Variants in KANSL3 observed in about 807,000 individuals in gnomAD.
KANSL3 encodes NSL complex protein NSL3.
Under a neutral mutation model 89.2 loss-of-function variants are expected in KANSL3, and 16 were observed. The ratio of observed to expected loss-of-function variants is 0.18; its 90% CI spans 0.12 to 0.27. The LOEUF is 0.27. KANSL3 is among the 10% of genes least tolerant of loss of function. KANSL3 has a pLI of 1.00. For synonymous variants in KANSL3, 385 were observed against 419.7 expected (o/e 0.92, Z 1.01); for missense variants, 879 against 1,110.6 (o/e 0.79, Z 2.96).
intron 3 of KANSL3, among the ~76,000 whole-genome samples, chr2:96,630,049 T>G (rs959376514): frequency 6.6e-6 from 1 of 152,190 alleles, no homozygotes; most frequent in Non-Finnish European, 1.5e-5. Flanking sequence ...ATGGAGAAAC[T>G]AGAACTCTCA....
intron 3 of KANSL3, among the ~76,000 whole-genome samples, chr2:96,620,475 T>C (rs556870807): frequency 6.6e-6 from 1 of 152,198 alleles, no homozygotes; most frequent in South Asian, 2.1e-4. Context: ...GCTTACCTAT[T>C]ACTTACTGAG....
intron 2 of KANSL3, 192 bp downstream of exon 2, chr2:96,636,729 C>A: frequency 2.2e-6 from 1 of 461,978 alleles, no homozygotes; most frequent in Admixed American, 3.9e-5. Context: ...GCTTTCCTAA[C>A]TCTTGTTAGC....
In KANSL3 at chr2:96,637,191, G is replaced by T; in HGVS notation, c.-50-6C>A. ...GGTATCTGCATGCTAGTCACCTGCA[G>T]TGAAAAGTTTCAGTTTAGGTCAATT... On this transcript the variant is annotated splice_region_variant and splice_polypyrimidine_tract_variant and intron_variant, in intron 1 of 20. Coordinates refer to ENST00000431828, the MANE Select transcript of KANSL3 (RefSeq NM_001115016.3). The T allele has an allele frequency of 8.4e-7, 1 of 1,187,186 alleles. No homozygotes were observed. Among genetic ancestry groups the T allele is most frequent in the Non-Finnish European group, 1.2e-6 (1 of 831,116 alleles). 73.5% of individuals were successfully genotyped at this position (1,187,186 alleles called of 1,614,324 possible). A position where few individuals can be genotyped will look rare whatever the true frequency, so the allele number is the denominator to read the frequency against.
intron 11 of KANSL3, 24 bp downstream of exon 11, chr2:96,610,702 G>A (rs1308039004): frequency 1.2e-6 from 2 of 1,612,124 alleles, no homozygotes. Flanking sequence ...CAGCTCTCTT[G>A]CAGCTCTGGG....
Position 96,611,900 on chromosome 2 carries a change from C to CATAT in KANSL3, c.1086+378_1086+381dup, listed in dbSNP as rs1187630286. Among the ~76,000 whole-genome samples, 9 of 79,566 alleles carry CATAT rather than the reference C, an allele frequency of 1.1e-4. 1 individual carries two copies. Among genetic ancestry groups the CATAT allele is most frequent in the Admixed American group, 7.4e-4 (7 of 9,496 alleles). 52.2% of individuals were successfully genotyped at this position (79,566 alleles called of 152,430 possible). ...TTTTTTTTTTCCACAGATATATACCCATATGTGTGTGTGTGTGTGTGTGTG... is the reference window on the plus strand; with the variant it reads ...TTTTTTTTTTCCACAGATATATACCCATATATATGTGTGTGTGTGTGTGTGTGTG... On this transcript the variant is annotated intron_variant, in intron 9 of 20. Coordinates refer to ENST00000431828, the MANE Select transcript of KANSL3 (RefSeq NM_001115016.3).
chr2:96,611,418 AC>A (rs1236640822), intron 9 of KANSL3, among the ~76,000 whole-genome samples: 1 of 152,094 alleles, frequency 6.6e-6, no homozygotes, highest in Non-Finnish European at 1.5e-5. Flanking sequence ...TACCCTGTCA[AC>A]CCCCTCAACT....
chr2:96,633,144 AG>A (rs2073704501), intron 2 of KANSL3, among the ~76,000 whole-genome samples: 1 of 151,732 alleles, frequency 6.6e-6, no homozygotes, highest in Admixed American at 6.6e-5. Flanking sequence ...TTGTGGTCCC[AG>A]CTACATGGGA....
At chr2:96,637,272 C>T in intron 1 of KANSL3, 87 bp from the exon 2 acceptor site, 1 of 618,996 alleles carries the variant, frequency 1.6e-6, no homozygotes, top group African/African-American at 1.8e-5. Flanking sequence ...CTTTTGTAAC[C>T]TACTATCATT....
intron 20 of KANSL3, among the ~76,000 whole-genome samples, chr2:96,596,188 C>A (rs531342899): frequency 6.6e-6 from 1 of 152,204 alleles, no homozygotes; most frequent in South Asian, 2.1e-4. Flanking sequence ...GAGAGGGTGG[C>A]CTTTTTTACC....
chr2:96,588,827 C>G (rs1267123854), downstream of KANSL3, among the ~76,000 whole-genome samples: 1 of 152,186 alleles, frequency 6.6e-6, no homozygotes, highest in African/African-American at 2.4e-5. Context: ...CTCCTGACCT[C>G]AAGTGATCTG....
intron 1 of KANSL3, 86 bp from the exon 2 acceptor site, chr2:96,637,271 C>A: frequency 1.6e-6 from 1 of 620,864 alleles, no homozygotes; most frequent in Admixed American, 3.0e-5. Context: ...ACTTTTGTAA[C>A]CTACTATCAT....
chr2:96,612,974 A>C (rs1474707739), intron 6 of KANSL3, 40 bp from the exon 7 acceptor site: 1 of 1,350,446 alleles, frequency 7.4e-7, no homozygotes, highest in Non-Finnish European at 1.0e-6. Context: ...AGTGAGTGAG[A>C]AGTGTCCTTT....
At chr2:96,613,356 G>A (rs758298712) in intron 6 of KANSL3, 132 bp downstream of exon 6, 4 of 743,168 alleles carry the variant, frequency 5.4e-6, no homozygotes, top group Non-Finnish European at 8.2e-6. Flanking sequence ...GGGTAACAGA[G>A]CAAGATTCTG....
At chr2:96,634,282 G>A (rs138748203) in intron 2 of KANSL3, 12 of 152,396 alleles carry the variant, frequency 7.9e-5, no homozygotes, top group African/African-American at 2.9e-4. Context: ...AGCACTTTGG[G>A]AGGCCGAGGC....
chr2:96,595,089 T>C lies in KANSL3; in HGVS notation c.*522A>G, dbSNP rs185033927. 1 of 152,784 alleles carries C rather than the reference T, an allele frequency of 6.5e-6. No homozygotes were observed. The highest frequency in any genetic ancestry group is 2.4e-5 in the African/African-American group (1 of 41,536). The allele number at this position is 152,784 out of a possible 1,614,324, so 9.5% of individuals were successfully genotyped here. On this transcript the variant is annotated 3_prime_UTR_variant, in exon 21 of 21. Coordinates refer to ENST00000431828, the MANE Select transcript of KANSL3 (RefSeq NM_001115016.3). ...GGAGCACTCTCCCGTGGCTGCTGAG[T>C]GAAGGCAACAGTGATGTCCAAAACA... is the stretch of plus-strand genomic sequence containing the variant.
chr2:96,604,144 G>C, intron 17 of KANSL3, 106 bp downstream of exon 17: 1 of 1,303,970 alleles, frequency 7.7e-7, no homozygotes, highest in Non-Finnish European at 1.0e-6. Context: ...AAGACCCAGA[G>C]GCCCATCCTA....
chr2:96,600,353 T>A, intron 20 of KANSL3: 1 of 749,624 alleles, frequency 1.3e-6, no homozygotes, highest in Non-Finnish European at 1.6e-6. Flanking sequence ...ATTATTTCTA[T>A]AATGTTTGAA....
At chr2:96,604,417 C>A in intron 16 of KANSL3, 37 bp from the exon 17 acceptor site, 1 of 1,598,442 alleles carries the variant, frequency 6.3e-7, no homozygotes. Context: ...ATCCAAAGGT[C>A]ACAGGACAGC....
At position 96,613,477 on chromosome 2, in the gene KANSL3, A is replaced by C. The variant is rs1280772942; in HGVS notation, c.795+11T>G. ...ATGTACCATTGTTAAGTCCTGAGCCATCCAACTTACTGGTTTGTTATGAGA... is the reference window on the plus strand; with the variant it reads ...ATGTACCATTGTTAAGTCCTGAGCCCTCCAACTTACTGGTTTGTTATGAGA... On this transcript the variant is annotated intron_variant, in intron 6 of 20. Coordinates refer to ENST00000431828, the MANE Select transcript of KANSL3 (RefSeq NM_001115016.3). The C allele has an allele frequency of 4.3e-6, 7 of 1,612,682 alleles. No individual in the cohort carries two copies. Among genetic ancestry groups the C allele is most frequent in the Non-Finnish European group, 5.9e-6 (7 of 1,179,100 alleles).
Sources: allele counts gnomAD v4.1 joint callset (sites outside exome capture counted in the v4.1 genomes callset), GRCh38; gene constraint gnomAD v4.1.1; transcripts MANE v1.5; gene names NCBI Gene and HGNC (gene_info 2026-07-23, HGNC 2026-07-21).